The following XKR9 variants were observed in gnomAD, a reference collection of about 807,000 sequenced individuals.
The protein encoded by XKR9 is XK related 9.
Under a neutral mutation model 32.0 loss-of-function variants are expected in XKR9, and 32 were observed. That is an observed-to-expected ratio of 1.00 (90% CI 0.76 to 1.34). The LOEUF (loss-of-function observed/expected upper bound fraction) is 1.34, where lower values mean the gene tolerates loss of function less well. Among genes scored for constraint, XKR9 ranks in the 40% most tolerant of loss-of-function variants. The probability of loss-of-function intolerance (pLI) is 0.00; values close to 1 mark genes in which losing one functional copy is unlikely to be tolerated. For missense variants in XKR9, 546 were observed against 429.7 expected (o/e 1.27, Z -2.39); for synonymous variants, 168 against 143.4 (o/e 1.17, Z -1.22).
At chr8:70,933,984 G>T in the XKR9 span, among the ~76,000 whole-genome samples, 7 of 151,840 alleles carry the variant, frequency 4.6e-5, no homozygotes, top group Non-Finnish European at 7.4e-5. Context: ...TCTCAGAAAA[G>T]TTAAACAAAT....
At chr8:70,845,330 C>G in the XKR9 span, among the ~76,000 whole-genome samples, 1 of 152,178 alleles carries the variant, frequency 6.6e-6, no homozygotes, top group Non-Finnish European at 1.5e-5. Context: ...GAAGAAGTGA[C>G]TGTTACACAA....
chr8:70,884,094 T>C, the XKR9 span, among the ~76,000 whole-genome samples: 1 of 152,088 alleles, frequency 6.6e-6, no homozygotes, highest in Non-Finnish European at 1.5e-5. Context: ...AGGGGTGTAG[T>C]GGTATTTCAT....
the XKR9 span, among the ~76,000 whole-genome samples, chr8:71,006,908 T>C: frequency 1.3e-5 from 2 of 152,206 alleles, no homozygotes; most frequent in African/African-American, 4.8e-5. Context: ...TGATAAGTCA[T>C]ATTGGTGATA....
the XKR9 span, among the ~76,000 whole-genome samples, chr8:70,913,888 G>A: frequency 7.2e-5 from 11 of 151,948 alleles, no homozygotes; most frequent in African/African-American, 1.9e-4. Context: ...CATATTCAAT[G>A]TTATGCTTGG....
At chr8:70,774,209 C>A (rs561852458) in intron 2 of XKR9, among the ~76,000 whole-genome samples, 1 of 152,124 alleles carries the variant, frequency 6.6e-6, no homozygotes, top group African/African-American at 2.4e-5. Context: ...TTCATGATTG[C>A]GTAGAAAAAG....
At chr8:70,684,013 G>A (rs574815517) in intron 3 of XKR9, among the ~76,000 whole-genome samples, 2 of 152,250 alleles carry the variant, frequency 1.3e-5, no homozygotes, top group Admixed American at 1.3e-4. Flanking sequence ...TGCTCTGGAG[G>A]AGTTAGATTT....
intron 4 of XKR9, among the ~76,000 whole-genome samples, chr8:70,726,702 G>T (rs1199295098): frequency 2.6e-5 from 4 of 152,184 alleles, no homozygotes; most frequent in Non-Finnish European, 4.4e-5. Flanking sequence ...AAGAGCAAAG[G>T]TACCAAAGAG....
the XKR9 span, among the ~76,000 whole-genome samples, chr8:71,031,094 G>C: frequency 3.3e-5 from 5 of 152,096 alleles, no homozygotes; most frequent in Non-Finnish European, 5.9e-5. Context: ...CAAAAATGGA[G>C]ACTACATTCT....
intron 2 of XKR9, among the ~76,000 whole-genome samples, chr8:70,771,007 C>G (rs1807446811): frequency 6.6e-6 from 1 of 152,094 alleles, no homozygotes; most frequent in African/African-American, 2.4e-5. Flanking sequence ...AAATGACAGC[C>G]CAGTTTTGTG....
the XKR9 span, among the ~76,000 whole-genome samples, chr8:70,864,921 A>G: frequency 6.6e-6 from 1 of 152,170 alleles, no homozygotes; most frequent in Admixed American, 6.6e-5. Flanking sequence ...AAATTCAACT[A>G]TCCAACCAGG....
chr8:70,832,322 T>C, the XKR9 span, among the ~76,000 whole-genome samples: 1 of 152,176 alleles, frequency 6.6e-6, no homozygotes, highest in Non-Finnish European at 1.5e-5. Context: ...AGTTTTCTTT[T>C]CTTTCTTTTT....
the XKR9 span, among the ~76,000 whole-genome samples, chr8:70,853,218 T>A: frequency 6.6e-6 from 1 of 152,046 alleles, no homozygotes; most frequent in East Asian, 1.9e-4. Flanking sequence ...CTCATCAAGA[T>A]AGAGAATAGA....
chr8:70,674,130 C>T (rs1366908500), intron 1 of XKR9, among the ~76,000 whole-genome samples: 1 of 152,012 alleles, frequency 6.6e-6, no homozygotes, highest in Non-Finnish European at 1.5e-5. Flanking sequence ...GATTGTGCCA[C>T]TGCACTCCAG....
At chr8:70,712,428 A>G (rs1441074728) in intron 4 of XKR9, among the ~76,000 whole-genome samples, 1 of 152,098 alleles carries the variant, frequency 6.6e-6, no homozygotes, top group East Asian at 1.9e-4. Flanking sequence ...CTTATAAACA[A>G]TTTCAAGTTT....
chr8:70,972,228 C>T, the XKR9 span, among the ~76,000 whole-genome samples: 5 of 151,712 alleles, frequency 3.3e-5, no homozygotes, highest in East Asian at 1.9e-4. Context: ...TTGCACATAT[C>T]GTGAAAGGGG....
At chr8:71,038,324 GT>G in the XKR9 span, among the ~76,000 whole-genome samples, 78 of 78,096 alleles carry the variant, frequency 1.0e-3, no homozygotes, top group South Asian at 2.8e-3. Context: ...TTTCCTCTTT[GT>G]TTTTTTTTTT....
At chr8:70,719,290 C>T (rs528664379) in intron 4 of XKR9, among the ~76,000 whole-genome samples, 2 of 152,230 alleles carry the variant, frequency 1.3e-5, no homozygotes, top group East Asian at 3.9e-4. Flanking sequence ...TTTTGCTGTG[C>T]AGAGCCTCTT....
the XKR9 span, among the ~76,000 whole-genome samples, chr8:70,936,879 A>G: frequency 6.6e-6 from 1 of 151,972 alleles, no homozygotes; most frequent in Admixed American, 6.6e-5. Flanking sequence ...TTTTTCTTTG[A>G]TATGTTATGT....
At chr8:70,960,432 G>A in the XKR9 span, among the ~76,000 whole-genome samples, 2 of 152,072 alleles carry the variant, frequency 1.3e-5, no homozygotes, top group African/African-American at 4.8e-5. Flanking sequence ...GTCCACTAAA[G>A]CTATGCATCC....
Sources: gnomAD v4.1 joint callset for allele counts (sites outside exome capture counted in the v4.1 genomes callset) on GRCh38, gnomAD v4.1.1 for gene constraint, MANE v1.5 for transcripts, NCBI Gene and HGNC (gene_info 2026-07-23, HGNC 2026-07-21) for gene names.